SUV39H2: variants seen among roughly 807,000 people sequenced by gnomAD.
SUV39H2 encodes histone-lysine N-methyltransferase SUV39H2.
A neutral mutation model predicts 47.5 loss-of-function variants in SUV39H2; 10 were observed. The observed-to-expected ratio is 0.21, with a 90% CI of 0.13 to 0.36. The LOEUF is 0.36. Ranked by LOEUF, SUV39H2 falls within the 10% of genes least tolerant of loss-of-function variation. The pLI is 1.00. For synonymous variants in SUV39H2, 159 were observed against 166.8 expected, an observed-to-expected ratio of 0.95 and a Z score of 0.36; for missense variants, 266 against 487.4, an observed-to-expected ratio of 0.55 and a Z score of 4.28.
At chr10:14,889,653 G>C (rs2131682704) in intron 2 of SUV39H2, among the ~76,000 whole-genome samples, 1 of 152,272 alleles carries the variant, frequency 6.6e-6, no homozygotes, top group South Asian at 2.1e-4. Flanking sequence ...TAGTAACAAA[G>C]GTCATACATC....
At chr10:14,889,348 A>C (rs1019949611) in intron 2 of SUV39H2, among the ~76,000 whole-genome samples, 1 of 152,210 alleles carries the variant, frequency 6.6e-6, no homozygotes, top group African/African-American at 2.4e-5. Flanking sequence ...CATCTACCCC[A>C]TGACCTAGTT....
At chr10:14,883,264 CAG>C (rs1833098037) in intron 2 of SUV39H2, among the ~76,000 whole-genome samples, 2 of 152,200 alleles carry the variant, frequency 1.3e-5, no homozygotes, top group Admixed American at 6.5e-5. Flanking sequence ...CCCTAACCTT[CAG>C]AGATTTTCTT....
intron 2 of SUV39H2, among the ~76,000 whole-genome samples, chr10:14,889,248 G>C (rs369811765): frequency 2.6e-5 from 4 of 152,156 alleles, no homozygotes; most frequent in Non-Finnish European, 4.4e-5. Flanking sequence ...TTTTTGAAAA[G>C]ACCATTGTGA....
chr10:14,900,502 C>T (rs1833928401), intron 4 of SUV39H2, among the ~76,000 whole-genome samples: 1 of 152,166 alleles, frequency 6.6e-6, no homozygotes. Flanking sequence ...GTTGATTAAA[C>T]ATTGAAGAAT....
intron 4 of SUV39H2, among the ~76,000 whole-genome samples, chr10:14,900,263 A>G (rs1318264193): frequency 1.3e-5 from 2 of 152,204 alleles, no homozygotes; most frequent in African/African-American, 4.8e-5. Flanking sequence ...ATAATTTCCA[A>G]AAATTAGGGA....
At chr10:14,891,355 T>A (rs939321408) in intron 2 of SUV39H2, among the ~76,000 whole-genome samples, 2 of 152,196 alleles carry the variant, frequency 1.3e-5, no homozygotes, top group Non-Finnish European at 2.9e-5. Context: ...CAGAGTGGCT[T>A]GCTTTCTGAA....
chr10:14,879,962 G>C (rs961552799), intron 1 of SUV39H2: 1 of 150,694 alleles, frequency 6.6e-6, no homozygotes, highest in African/African-American at 2.4e-5. Flanking sequence ...TTCCTTTGCG[G>C]GTTGTGTTTT....
rs147127587 is a variant in SUV39H2, at chr10:14,882,185, T to G, written c.177+540T>G. Among the ~76,000 whole-genome samples, 383 of 152,356 alleles carry G rather than the reference T, an allele frequency of 2.5e-3. 2 individuals carry two copies. The highest frequency in any genetic ancestry group is 8.7e-3 in the African/African-American group (362 of 41,582). Reference sequence around the variant, plus strand: ...ACTTCTCTAAGCCTTCCTTTATTGCTCTTAAAAAACGGCAGAGTTGTTCTC... The same window carrying G: ...ACTTCTCTAAGCCTTCCTTTATTGCGCTTAAAAAACGGCAGAGTTGTTCTC... On this transcript the variant is annotated intron_variant, in intron 2 of 5. Transcript: ENST00000354919.
At chr10:14,881,982 C>G (rs1833052080) in intron 2 of SUV39H2, among the ~76,000 whole-genome samples, 1 of 152,170 alleles carries the variant, frequency 6.6e-6, no homozygotes, top group African/African-American at 2.4e-5. Flanking sequence ...CTGAAATGAA[C>G]CTACCGTTTC....
At chr10:14,883,125 C>A (rs2131671319) in intron 2 of SUV39H2, among the ~76,000 whole-genome samples, 1 of 152,184 alleles carries the variant, frequency 6.6e-6, no homozygotes, top group East Asian at 1.9e-4. Context: ...CCTTGGCCTC[C>A]CAAAGTGCTG....
chr10:14,899,157 A>G (rs1196049197), intron 3 of SUV39H2: 8 of 697,102 alleles, frequency 1.1e-5, no homozygotes, highest in Admixed American at 4.0e-5. Flanking sequence ...CCACATCTCT[A>G]TAAAAACTAA....
intron 3 of SUV39H2, chr10:14,898,309 A>G (rs1833748459): frequency 6.7e-6 from 1 of 150,182 alleles, no homozygotes; most frequent in South Asian, 2.1e-4. Context: ...CATAGTAATA[A>G]GAACCGAGAT....
rs188976890 is a variant in SUV39H2, at chr10:14,894,147, G to A, written c.178-2699G>A. On this transcript the variant is annotated intron_variant, in intron 2 of 5. Coordinates refer to ENST00000354919, the MANE Select transcript of SUV39H2 (RefSeq NM_001193424.2). ...ACTAACAGCAGTCCTGAATTGTAGC[G>A]GTCACCTGAAAGGAGGAAGAAATCC... 3.2e-4 allele frequency among the ~76,000 whole-genome samples: 49 copies of A among 151,996 alleles called. No individual in the cohort carries two copies. In the East Asian group the frequency reaches 8.1e-3, roughly 25 times the overall value.
intron 2 of SUV39H2, among the ~76,000 whole-genome samples, chr10:14,889,772 T>A (rs1833328731): frequency 6.6e-6 from 1 of 151,870 alleles, no homozygotes; most frequent in Non-Finnish European, 1.5e-5. Context: ...GGAAAAAGGG[T>A]TGTTACTATT....
intron 2 of SUV39H2, among the ~76,000 whole-genome samples, chr10:14,885,769 T>A (rs990015968): frequency 6.6e-6 from 1 of 152,206 alleles, no homozygotes; most frequent in African/African-American, 2.4e-5. Context: ...TTTCTCTTTC[T>A]TTTACAAATT....
chr10:14,899,714 C>T lies in SUV39H2; in HGVS notation c.996+29C>T, dbSNP rs773785311. ...AGAAGACATACGTAAATTTTAGACA[C>T]GACTAACAATTCAACCTAGTACTAG... is the stretch of plus-strand genomic sequence containing the variant. On this transcript the variant is annotated intron_variant, in intron 4 of 5. Transcript: ENST00000354919. The T allele has an allele frequency of 1.7e-5, 27 of 1,610,444 alleles. 1 individual carries two copies. The South Asian group carries it at 2.4e-4, about 14-fold the overall frequency.
rs1054167401 is a variant in SUV39H2, at chr10:14,902,703, T to C, written c.*191T>C. ...GGTCACTGGGTCTCATAGACTGATA[T>C]GAAGTCGACATATTTATAGTGCTTA... On this transcript the variant is annotated 3_prime_UTR_variant, in exon 6 of 6. Transcript: ENST00000354919. The C allele has an allele frequency of 4.6e-6, 2 of 438,662 alleles. No individual in the cohort carries two copies. The highest frequency in any genetic ancestry group is 3.8e-5 in the East Asian group (1 of 26,508). 27.2% of individuals were successfully genotyped at this position (438,662 alleles called of 1,614,324 possible). A position where few individuals can be genotyped will look rare whatever the true frequency, so the allele number is the denominator to read the frequency against.
At position 14,881,604 on chromosome 10, in the gene SUV39H2, A is replaced by C; in HGVS notation, c.136A>C (p.Asn46His). The part of the protein sequence containing the change: ...SIGITKRNLN[N>H]YEVEYLCDYK... Reference sequence around the variant, plus strand: ...TGGAATCACCAAAAGGAATCTAAACAATTATGAGGTGGAATACTTGTGTGA... The same window carrying C: ...TGGAATCACCAAAAGGAATCTAAACCATTATGAGGTGGAATACTTGTGTGA... The change falls in exon 2 of 6, where the codon AAT (asparagine) becomes CAT (histidine). Residue 46 changes from asparagine to histidine, a missense_variant. Around this residue, in one of 4 missense-constraint regions of SUV39H2, gnomAD observed 32 missense variants for 77.2 expected, o/e 0.41. Coordinates refer to ENST00000354919, the MANE Select transcript of SUV39H2 (RefSeq NM_001193424.2). The C allele has an allele frequency of 6.2e-7, 1 of 1,601,550 alleles. No homozygotes were observed. Among genetic ancestry groups the C allele is most frequent in the Non-Finnish European group, 8.5e-7 (1 of 1,176,032 alleles).
chr10:14,898,958 T>C, intron 3 of SUV39H2: 1 of 451,256 alleles, frequency 2.2e-6, no homozygotes, highest in South Asian at 5.3e-5. Flanking sequence ...TAGAGAGCTA[T>C]AGTTGTATAG....
Sources: gnomAD v4.1 joint callset for allele counts (sites outside exome capture counted in the v4.1 genomes callset) on GRCh38, gnomAD v4.1.1 for gene constraint, gnomAD v4.1.1 regional missense constraint, MANE v1.5 for transcripts, NCBI Gene and HGNC (gene_info 2026-07-23, HGNC 2026-07-21) for gene names.